The following KIAA1217 variants were observed in gnomAD, a reference collection of about 807,000 sequenced individuals.
KIAA1217 encodes the protein KIAA1217, also known as sickle tail protein homolog.
Under a neutral mutation model 163.9 loss-of-function variants are expected in KIAA1217, and 88 were observed. The ratio of observed to expected loss-of-function variants is 0.54; its 90% CI spans 0.45 to 0.64. The LOEUF (loss-of-function observed/expected upper bound fraction) is 0.64. Ranked by LOEUF, KIAA1217 falls within the 30% of genes least tolerant of loss-of-function variation. The pLI is 0.00. For synonymous variants in KIAA1217, 903 were observed against 923.1 expected (o/e 0.98, Z 0.39); for missense variants, 2,372 against 2,475.0 (o/e 0.96, Z 0.88).
At chr10:24,113,914 C>T (rs553058828) in intron 2 of KIAA1217, among the ~76,000 whole-genome samples, 1 of 152,266 alleles carries the variant, frequency 6.6e-6, no homozygotes, top group East Asian at 1.9e-4. Context: ...TATTAAGACC[C>T]AAGACAGCAG....
intron 1 of KIAA1217, among the ~76,000 whole-genome samples, chr10:23,757,921 G>A (rs970169465): frequency 3.3e-5 from 5 of 152,170 alleles, no homozygotes; most frequent in Non-Finnish European, 5.9e-5. Flanking sequence ...TTGTTATTGC[G>A]TTTCAGAAGT....
chr10:23,832,313 T>C (rs1389708540), intron 1 of KIAA1217, among the ~76,000 whole-genome samples: 5 of 152,142 alleles, frequency 3.3e-5, no homozygotes, highest in Non-Finnish European at 5.9e-5. Context: ...AAGAGGTGCA[T>C]AGGGCAAGGT....
chr10:23,704,172 G>GTGTGTGTATGTGTATATATA (rs1229370789), intron 1 of KIAA1217, among the ~76,000 whole-genome samples: 4 of 39,926 alleles, frequency 1.0e-4, no homozygotes, highest in African/African-American at 5.4e-4. Flanking sequence ...GTGTGTGTGT[G>GTGTGTGTATGTGTATATATA]TATATATATA....
At chr10:24,082,567 A>T (rs1446758688) in intron 2 of KIAA1217, among the ~76,000 whole-genome samples, 1 of 152,134 alleles carries the variant, frequency 6.6e-6, no homozygotes, top group Non-Finnish European at 1.5e-5. Context: ...CATGCAGAGG[A>T]CATGCTCTTT....
intron 3 of KIAA1217, among the ~76,000 whole-genome samples, chr10:24,401,185 A>G (rs2056484248): frequency 1.8e-5 from 2 of 108,908 alleles, no homozygotes; most frequent in Admixed American, 8.0e-5. Context: ...CCATCAACCA[A>G]TATATATATA....
intron 2 of KIAA1217, among the ~76,000 whole-genome samples, chr10:24,122,592 A>G (rs970785351): frequency 6.6e-6 from 1 of 152,126 alleles, no homozygotes; most frequent in African/African-American, 2.4e-5. Context: ...TCCTCTCACA[A>G]TTTTAGATTT....
At chr10:24,483,617 G>A (rs902242317) in intron 6 of KIAA1217, among the ~76,000 whole-genome samples, 2 of 152,038 alleles carry the variant, frequency 1.3e-5, no homozygotes, top group African/African-American at 2.4e-5. Flanking sequence ...TAAAGCAGGC[G>A]AGAGTGGGGA....
At chr10:24,091,299 G>A (rs1473514785) in intron 2 of KIAA1217, among the ~76,000 whole-genome samples, 2 of 151,850 alleles carry the variant, frequency 1.3e-5, no homozygotes, top group African/African-American at 4.9e-5. Flanking sequence ...TGCACCCAGC[G>A]ACTGGCATCC....
chr10:23,984,115 A>G (rs1845877069), intron 1 of KIAA1217, among the ~76,000 whole-genome samples: 1 of 152,212 alleles, frequency 6.6e-6, no homozygotes, highest in Non-Finnish European at 1.5e-5. Flanking sequence ...CTTTGATTAC[A>G]TCTAGTTCTG....
chr10:24,530,617 G>T (rs375004792), intron 14 of KIAA1217, among the ~76,000 whole-genome samples: 8 of 152,152 alleles, frequency 5.3e-5, no homozygotes, highest in Non-Finnish European at 8.8e-5. Flanking sequence ...ATTGATAAAG[G>T]CTGGCGTGGT....
chr10:24,523,410 G>A (rs759084137), intron 12 of KIAA1217, among the ~76,000 whole-genome samples: 5 of 152,058 alleles, frequency 3.3e-5, no homozygotes, highest in Non-Finnish European at 7.4e-5. Context: ...AGAATCTAAG[G>A]GATTGGGGTA....
At chr10:24,402,528 C>CAAA (rs56323500) in intron 3 of KIAA1217, among the ~76,000 whole-genome samples, 4 of 77,208 alleles carry the variant, frequency 5.2e-5, no homozygotes, top group South Asian at 8.8e-4. Context: ...AAAAACAAAA[C>CAAA]AAAAAAAAAA....
intron 1 of KIAA1217, among the ~76,000 whole-genome samples, chr10:23,912,091 G>A (rs1401528028): frequency 6.6e-6 from 1 of 152,006 alleles, no homozygotes; most frequent in Non-Finnish European, 1.5e-5. Flanking sequence ...CAGAAATAAA[G>A]TCTCCTGGCT....
chr10:24,051,793 T>C (rs1849535002), intron 2 of KIAA1217, among the ~76,000 whole-genome samples: 1 of 152,158 alleles, frequency 6.6e-6, no homozygotes, highest in Non-Finnish European at 1.5e-5. Context: ...CACTTTTTGG[T>C]GGGATTATTT....
Position 24,209,224 on chromosome 10 carries a change from C to A in KIAA1217, c.31C>A (p.Pro11Thr). 6.2e-7 allele frequency: 1 copy of A among 1,613,884 alleles called. No homozygotes were observed. Among genetic ancestry groups the A allele is most frequent in the Non-Finnish European group, 8.5e-7 (1 of 1,179,916 alleles). The part of the protein sequence containing the change: MEENESQKCE[P>T]CLPYSADRRQ... Reference sequence around the variant, plus strand: ...AGAAAATGAAAGCCAGAAATGTGAGCCGTGCCTTCCTTACTCAGCAGACAG... The same window carrying A: ...AGAAAATGAAAGCCAGAAATGTGAGACGTGCCTTCCTTACTCAGCAGACAG... The change falls in exon 1 of 21, where the codon CCG becomes ACG. Residue 11 changes from proline to threonine, a missense_variant. Pro to Thr is a conservative substitution (Grantham distance 38). This residue lies in a region of KIAA1217 where 1,431 missense variants were observed against 1,470.3 expected (regional missense o/e 0.97). Coordinates refer to ENST00000376454, the MANE Select transcript of KIAA1217 (RefSeq NM_019590.5).
intron 1 of KIAA1217, among the ~76,000 whole-genome samples, chr10:23,910,154 G>A (rs1013966857): frequency 2.0e-5 from 3 of 151,950 alleles, no homozygotes; most frequent in South Asian, 2.1e-4. Flanking sequence ...TGTCAGGGGC[G>A]TGGGGGCTGG....
At chr10:23,764,724 C>G (rs1356259034) in intron 1 of KIAA1217, among the ~76,000 whole-genome samples, 1 of 151,400 alleles carries the variant, frequency 6.6e-6, no homozygotes, top group Non-Finnish European at 1.5e-5. Context: ...TGTACTCACT[C>G]ATAAGTGGGA....
intron 1 of KIAA1217, among the ~76,000 whole-genome samples, chr10:23,710,447 T>C (rs919827219): frequency 7.9e-5 from 12 of 152,210 alleles, no homozygotes; most frequent in African/African-American, 2.9e-4. Flanking sequence ...TGAAGATGAC[T>C]TTGTAGATAA....
chr10:24,010,739 A>G (rs562116256), intron 2 of KIAA1217, among the ~76,000 whole-genome samples: 39 of 152,092 alleles, frequency 2.6e-4, no homozygotes, highest in African/African-American at 8.7e-4. Flanking sequence ...GTTAGAATAA[A>G]TACACTTGCA....
Sources: gnomAD v4.1 joint callset for allele counts (sites outside exome capture counted in the v4.1 genomes callset) on GRCh38, gnomAD v4.1.1 for gene constraint, gnomAD v4.1.1 regional missense constraint, MANE v1.5 for transcripts, NCBI Gene and HGNC (gene_info 2026-07-23, HGNC 2026-07-21) for gene names.